Variants in IL12RB2 observed in about 807,000 individuals in gnomAD.
The protein encoded by IL12RB2 is interleukin 12 receptor subunit beta 2, also known as interleukin-12 receptor subunit beta-2.
In IL12RB2, 82 loss-of-function variants were observed where a neutral mutation model predicts 89.4. The ratio of observed to expected loss-of-function variants is 0.92; its 90% CI spans 0.77 to 1.10. The LOEUF is 1.10. IL12RB2 is among the 50% of genes least tolerant of loss of function. The pLI is 0.00. For synonymous variants in IL12RB2, 368 were observed against 370.1 expected, an observed-to-expected ratio of 0.99 and a Z score of 0.07; for missense variants, 963 against 1,031.9, an observed-to-expected ratio of 0.93 and a Z score of 0.92.
intron 7 of IL12RB2, 90 bp from the exon 8 acceptor site, chr1:67,330,570 C>G (rs1397468420): frequency 6.5e-6 from 4 of 618,846 alleles, no homozygotes; most frequent in Non-Finnish European, 1.1e-5. Context: ...GATCAAATAG[C>G]CTGGGTTTTT....
At chr1:67,316,186 T>TA (rs1277069829) in intron 2 of IL12RB2, among the ~76,000 whole-genome samples, 2 of 152,148 alleles carry the variant, frequency 1.3e-5, no homozygotes, top group East Asian at 3.8e-4. Flanking sequence ...GGTATCTAAA[T>TA]AAATTAGTTC....
chr1:67,372,413 T>A (rs562093019), intron 11 of IL12RB2, 23 bp from the exon 12 acceptor site: 1 of 1,273,856 alleles, frequency 7.9e-7, no homozygotes, highest in African/African-American at 1.5e-5. Flanking sequence ...ACGGCTGTTA[T>A]GGGAATTCCC....
intron 2 of IL12RB2, among the ~76,000 whole-genome samples, chr1:67,316,597 G>A (rs1655804705): frequency 6.6e-6 from 1 of 152,090 alleles, no homozygotes; most frequent in African/African-American, 2.4e-5. Flanking sequence ...TAGTAAATCT[G>A]GCTCCTGATG....
rs185293852 is a variant in IL12RB2 at position 67,397,977 on chromosome 1, C to T, written c.*1888C>T. Among the ~76,000 whole-genome samples the T allele has an allele frequency of 2.6e-3, 391 of 152,332 alleles. 1 individual carries two copies. Among genetic ancestry groups the T allele is most frequent in the African/African-American group, 9.0e-3 (376 of 41,580 alleles). On this transcript the variant is annotated 3_prime_UTR_variant, in exon 17 of 17. Coordinates refer to ENST00000674203, the MANE Select transcript of IL12RB2 (RefSeq NM_001374259.2). ...TTCCCTCAGAGCTCTAGAAACTGAG[C>T]GATGGACAGTTGCTCTGCTTCTTCA... is the stretch of plus-strand genomic sequence containing the variant.
At chr1:67,345,019 A>G (rs1026382255) in intron 9 of IL12RB2, among the ~76,000 whole-genome samples, 1 of 152,022 alleles carries the variant, frequency 6.6e-6, no homozygotes, top group African/African-American at 2.4e-5. Flanking sequence ...AAATACAAAA[A>G]TGTTAGCCAG....
chr1:67,397,799 T>G lies in IL12RB2; in HGVS notation c.*1710T>G. Among the ~76,000 whole-genome samples, 1 of 152,182 alleles carries G rather than the reference T, an allele frequency of 6.6e-6. No individual in the cohort carries two copies. Among genetic ancestry groups the G allele is most frequent in the Non-Finnish European group, 1.5e-5 (1 of 68,042 alleles). On this transcript the variant is annotated 3_prime_UTR_variant, in exon 17 of 17. Transcript: ENST00000674203. ...CCCCTTCCCACATGAACGCTGGAAC[T>G]GAGATGGCTTCCCCATCATCGTCTG...
At chr1:67,326,657 A>T (rs1005339367) in intron 4 of IL12RB2, 78 bp from the exon 5 acceptor site, 1 of 1,567,582 alleles carries the variant, frequency 6.4e-7, no homozygotes, top group Admixed American at 1.8e-5. Context: ...ACGTATTGTC[A>T]TGTTGATGGC....
Position 67,331,662 on chromosome 1 carries a change from A to T in IL12RB2, c.958+852A>T, listed in dbSNP as rs371029200. 3.3e-4 allele frequency among the ~76,000 whole-genome samples: 50 copies of T among 152,244 alleles called. 1 individual carries two copies. The East Asian group carries it at 5.8e-3, about 18-fold the overall frequency. Reference sequence around the variant, plus strand: ...AGACCAGCCTGGCCAGCATGGTGAAATCCCATCTCTACCAAAAAGACAAGA... The same window carrying T: ...AGACCAGCCTGGCCAGCATGGTGAATTCCCATCTCTACCAAAAAGACAAGA... On this transcript the variant is annotated intron_variant, in intron 8 of 16. Coordinates refer to ENST00000674203, the MANE Select transcript of IL12RB2 (RefSeq NM_001374259.2).
intron 15 of IL12RB2, among the ~76,000 whole-genome samples, chr1:67,388,254 C>T (rs1360042850): frequency 6.6e-6 from 1 of 152,122 alleles, no homozygotes; most frequent in Admixed American, 6.5e-5. Context: ...CATTGTCGTC[C>T]TAGTAAATCT....
At chr1:67,381,941 G>A (rs766115739) in intron 14 of IL12RB2, among the ~76,000 whole-genome samples, 1 of 151,988 alleles carries the variant, frequency 6.6e-6, no homozygotes, top group Non-Finnish European at 1.5e-5. Flanking sequence ...AGCTGAGATC[G>A]CACCACTGCA....
chr1:67,328,069 C>T lies in IL12RB2; in HGVS notation c.480-131C>T, dbSNP rs1657566675. On this transcript the variant is annotated intron_variant, in intron 5 of 16. Transcript: ENST00000674203. ...TAGTACAAATATTCCCGGGGTGTAT[C>T]CCCTAGTCATAAGATTGACCTTTAA... 5.4e-6 allele frequency: 4 copies of T among 735,548 alleles called. No individual in the cohort carries two copies. The East Asian group carries it at 1.0e-4, about 19-fold the overall frequency. The allele number at this position is 735,548 out of a possible 1,614,324, so 45.6% of individuals were successfully genotyped here.
At chr1:67,307,680 C>A (rs957801956), upstream of IL12RB2, 1 of 152,354 alleles carries the variant, frequency 6.6e-6, no homozygotes, top group Non-Finnish European at 1.5e-5. Flanking sequence ...GGCGCCCGCC[C>A]GGCTGCGCTT....
At chr1:67,355,033 T>TTC in intron 10 of IL12RB2, among the ~76,000 whole-genome samples, 1 of 152,112 alleles carries the variant, frequency 6.6e-6, no homozygotes, top group Non-Finnish European at 1.5e-5. Context: ...GGGGGATTGC[T>TTC]TGAGCCCAGG....
intron 1 of IL12RB2, among the ~76,000 whole-genome samples, chr1:67,309,884 G>A (rs1654784382): frequency 6.6e-6 from 1 of 152,060 alleles, no homozygotes; most frequent in South Asian, 2.1e-4. Flanking sequence ...AAATAAATTT[G>A]TGCAGAATGG....
chr1:67,387,459 T>C (rs1047464404), intron 15 of IL12RB2, among the ~76,000 whole-genome samples: 4 of 151,500 alleles, frequency 2.6e-5, no homozygotes, highest in African/African-American at 9.7e-5. Flanking sequence ...TCCCAGCACT[T>C]TGGGAGGCTG....
rs1374021708 is a variant in IL12RB2 at position 67,350,950 on chromosome 1, G to A, written c.1119G>A (p.Met373Ile). 5.0e-6 allele frequency: 8 copies of A among 1,614,140 alleles called. No individual in the cohort carries two copies. The highest frequency in any genetic ancestry group is 6.8e-6 in the Non-Finnish European group (8 of 1,179,998). The part of the protein sequence containing the change: ...TLQELTGGKA[M>I]TQNITGHTSW... The stretch of plus-strand genomic sequence containing the variant: ...AGGAGCTGACAGGAGGGAAAGCCAT[G>A]ACACAGAACATCACAGGACACACCT... Residue 373 changes from methionine (M) to isoleucine (I), a missense_variant, in exon 10 of 17, where the codon ATG becomes ATA. Physicochemically the swap from Met to Ile is conservative, Grantham distance 10 (BLOSUM62 1). Transcript: ENST00000674203.
intron 10 of IL12RB2, among the ~76,000 whole-genome samples, chr1:67,358,412 C>T (rs1302917572): frequency 6.6e-6 from 1 of 151,548 alleles, no homozygotes; most frequent in Admixed American, 6.6e-5. Flanking sequence ...CCTGTCTCTA[C>T]TAAAAATACA....
intron 14 of IL12RB2, among the ~76,000 whole-genome samples, chr1:67,382,525 C>G (rs1297549495): frequency 6.6e-6 from 1 of 152,152 alleles, no homozygotes; most frequent in African/African-American, 2.4e-5. Flanking sequence ...GTTTACCCAT[C>G]TAGTTTGATC....
intron 11 of IL12RB2, among the ~76,000 whole-genome samples, chr1:67,368,295 T>C (rs960912084): frequency 2.6e-4 from 39 of 152,226 alleles, no homozygotes; most frequent in Non-Finnish European, 4.9e-4. Flanking sequence ...ACCAAACAAG[T>C]ATGGCTGAGA....
Sources: allele counts gnomAD v4.1 joint callset (sites outside exome capture counted in the v4.1 genomes callset), GRCh38; gene constraint gnomAD v4.1.1; transcripts MANE v1.5; gene names NCBI Gene and HGNC (gene_info 2026-07-23, HGNC 2026-07-21).